Variants in ASPG observed in about 807,000 individuals in gnomAD.
ASPG encodes the protein asparaginase, also known as 60 kDa lysophospholipase.
In ASPG, 53 loss-of-function variants were observed where a neutral mutation model predicts 63.2. The observed-to-expected ratio is 0.84, with a 90% CI of 0.67 to 1.05. The LOEUF is 1.05. Ranked by LOEUF, ASPG falls within the 50% of genes least tolerant of loss-of-function variation. The probability of loss-of-function intolerance (pLI) is 0.00; values close to 1 mark genes in which losing one functional copy is unlikely to be tolerated. For synonymous variants in ASPG, 370 were observed against 355.0 expected (o/e 1.04, Z -0.48); for missense variants, 741 against 794.4 (o/e 0.93, Z 0.81).
At chr14:104,108,300 C>T (rs983058851) in intron 12 of ASPG, 4 of 608,302 alleles carry the variant, frequency 6.6e-6, no homozygotes, top group South Asian at 1.5e-4. Context: ...TGGGGTGATC[C>T]GGACTGGAGC....
chr14:104,102,178 C>T (rs1036905235), intron 6 of ASPG, among the ~76,000 whole-genome samples: 2 of 152,010 alleles, frequency 1.3e-5, no homozygotes, highest in Admixed American at 1.3e-4. Flanking sequence ...GAGACACACG[C>T]CCTCAGTTAA....
At chr14:104,105,698 C>G (rs1469011964) in intron 10 of ASPG, among the ~76,000 whole-genome samples, 1 of 152,202 alleles carries the variant, frequency 6.6e-6, no homozygotes, top group Admixed American at 6.5e-5. Context: ...TTCTGACTGG[C>G]GGCGCTGCCT....
chr14:104,086,703 G>T (rs536098654), intron 1 of ASPG, among the ~76,000 whole-genome samples: 1 of 152,064 alleles, frequency 6.6e-6, no homozygotes, highest in Non-Finnish European at 1.5e-5. Context: ...GGCCAGGACA[G>T]CCCCCTCGCC....
At chr14:104,105,296 C>T in intron 9 of ASPG, 32 bp from the exon 10 acceptor site, 1 of 1,612,560 alleles carries the variant, frequency 6.2e-7, no homozygotes, top group Non-Finnish European at 8.5e-7. Flanking sequence ...CCAGCCCTGG[C>T]AGAGCCACTT....
At chr14:104,086,926 T>C (rs937767456) in intron 1 of ASPG, among the ~76,000 whole-genome samples, 1 of 152,094 alleles carries the variant, frequency 6.6e-6, no homozygotes, top group African/African-American at 2.4e-5. Context: ...AACATTCTCT[T>C]GTCCCTTGCC....
At position 104,114,360 on chromosome 14, in the gene ASPG, C is replaced by T. The variant is rs2037437132; in HGVS notation, c.*1816C>T. ...AGTTCGGCAGAGACGGCTTGGGGGC[C>T]ACGGGCTGGGCAGATGGGGAGAGCT... On this transcript the variant is annotated 3_prime_UTR_variant, in exon 16 of 16. Coordinates refer to ENST00000551177, the MANE Select transcript of ASPG (RefSeq NM_001080464.3). 1 of 152,328 alleles carries T rather than the reference C, an allele frequency of 6.6e-6. No homozygotes were observed. The highest frequency in any genetic ancestry group is 2.4e-5 in the African/African-American group (1 of 41,428). 9.4% of individuals were successfully genotyped at this position (152,328 alleles called of 1,614,324 possible).
At chr14:104,097,714 C>A (rs2036658550) in intron 5 of ASPG, 77 bp downstream of exon 5, 15 of 1,349,422 alleles carry the variant, frequency 1.1e-5, no homozygotes, top group Middle Eastern at 4.9e-4. Flanking sequence ...GAAACAAAGT[C>A]CCCCCAGCCC....
At position 104,114,141 on chromosome 14, in the gene ASPG, G is replaced by A. The variant is rs981093309; in HGVS notation, c.*1597G>A. The A allele has an allele frequency of 6.6e-6, 1 of 152,306 alleles. No individual in the cohort carries two copies. The highest frequency in any genetic ancestry group is 2.4e-5 in the African/African-American group (1 of 41,468). The allele number at this position is 152,306 out of a possible 1,614,324, so 9.4% of individuals were successfully genotyped here. ...GCCACCCCACTCAGTGCTGCTCCGG[G>A]TTGTGAAAGCTGCAGGTGGCTCACG... On this transcript the variant is annotated 3_prime_UTR_variant, in exon 16 of 16. Transcript: ENST00000551177.
intron 1 of ASPG, among the ~76,000 whole-genome samples, chr14:104,088,472 G>A (rs2036278917): frequency 6.6e-6 from 1 of 152,272 alleles, no homozygotes; most frequent in Non-Finnish European, 1.5e-5. Context: ...CTGTACACCC[G>A]AGAAACTTGA....
intron 12 of ASPG, chr14:104,108,435 C>A (rs925339844): frequency 1.0e-6 from 1 of 985,300 alleles, no homozygotes; most frequent in African/African-American, 1.7e-5. Flanking sequence ...GGTCTCCCAG[C>A]CTCGCTCCGC....
intron 1 of ASPG, among the ~76,000 whole-genome samples, chr14:104,086,209 C>CAGAAGGCTTAGGAGGCTGCCCTGG (rs1218098569): frequency 2.0e-5 from 3 of 152,194 alleles, no homozygotes; most frequent in Non-Finnish European, 4.4e-5. Flanking sequence ...GCTCTGGACA[C>CAGAAGGCTTAGGAGGCTGCCCTGG]AGAAGGCTTA....
rs970800448 is a variant in ASPG at position 104,110,143 on chromosome 14, G to T, written c.1520+828G>T. On this transcript the variant is annotated intron_variant, in intron 13 of 15. Transcript: ENST00000551177. This position sits in a 1 kb window ranked among gnomAD's most constrained non-coding sequence, Gnocchi z 4.7. The stretch of plus-strand genomic sequence containing the variant: ...CCAAAAAGGAGAGTCGGAGGCAGGA[G>T]ACCTGGGCCGGGTGCAGGTGGTGGC... 1.0e-6 allele frequency: 1 copy of T among 985,354 alleles called. No homozygotes were observed. The highest frequency in any genetic ancestry group is 1.2e-6 in the Non-Finnish European group (1 of 829,898). The allele number at this position is 985,354 out of a possible 1,614,324, so 61.0% of individuals were successfully genotyped here.
chr14:104,105,892 T>G (rs767568041), intron 10 of ASPG, among the ~76,000 whole-genome samples: 2 of 152,132 alleles, frequency 1.3e-5, no homozygotes, highest in Non-Finnish European at 2.9e-5. Context: ...GAAGGGGGGC[T>G]TTCGAGGCCT....
chr14:104,095,219 G>A (rs1166815461), intron 3 of ASPG, among the ~76,000 whole-genome samples: 1 of 152,208 alleles, frequency 6.6e-6, no homozygotes, highest in Non-Finnish European at 1.5e-5. Flanking sequence ...TGCTGCCATG[G>A]AGAGGCGCTC....
chr14:104,097,021 G>C (rs1015636756), intron 4 of ASPG, among the ~76,000 whole-genome samples: 1 of 152,206 alleles, frequency 6.6e-6, no homozygotes, highest in Non-Finnish European at 1.5e-5. Flanking sequence ...CTGGCATCCC[G>C]AGGCAGTTCC....
chr14:104,097,956 G>GCGTATGGAGGTTCTGCGTTAGAGATA (rs2036683029), intron 5 of ASPG, among the ~76,000 whole-genome samples: 2 of 30,198 alleles, frequency 6.6e-5, no homozygotes, highest in Non-Finnish European at 7.9e-5. Context: ...TGTTAGAGAT[G>GCGTATGGAGGTTCTGCGTTAGAGATA]CGTATGGAGG....
At chr14:104,085,874 G>A in intron 1 of ASPG, 22 bp downstream of exon 1, 1 of 1,571,786 alleles carries the variant, frequency 6.4e-7, no homozygotes, top group Non-Finnish European at 8.6e-7. Flanking sequence ...ACCCTGGGCG[G>A]GGTAGGCCTC....
rs1566846080 is a variant in ASPG, at chr14:104,114,225, CGACT to C, written c.*1684_*1687del. 6.6e-6 allele frequency: 1 copy of C among 152,278 alleles called. No individual in the cohort carries two copies. The highest frequency in any genetic ancestry group is 1.5e-5 in the Non-Finnish European group (1 of 68,064). 9.4% of individuals were successfully genotyped at this position (152,278 alleles called of 1,614,324 possible). A position where few individuals can be genotyped will look rare whatever the true frequency, so the allele number is the denominator to read the frequency against. On this transcript the variant is annotated 3_prime_UTR_variant, in exon 16 of 16. Coordinates refer to ENST00000551177, the MANE Select transcript of ASPG (RefSeq NM_001080464.3). The stretch of plus-strand genomic sequence containing the variant: ...TGCCAACCTGCCAGTGTAGACACAC[CGACT>C]GATGCCGGGGGTGAGTGTCCTGTAG...
chr14:104,094,552 A>G (rs781553428), intron 3 of ASPG, among the ~76,000 whole-genome samples: 18 of 150,566 alleles, frequency 1.2e-4, no homozygotes, highest in Non-Finnish European at 2.5e-4. Flanking sequence ...TGCCCGCTCC[A>G]GTCCCAATTC....
Sources: allele counts gnomAD v4.1 joint callset (sites outside exome capture counted in the v4.1 genomes callset), GRCh38; gene constraint gnomAD v4.1.1; non-coding constraint Gnocchi (gnomAD v3.1); transcripts MANE v1.5; gene names NCBI Gene and HGNC (gene_info 2026-07-23, HGNC 2026-07-21).